The following LRRC2 variants were observed in gnomAD, a reference collection of about 807,000 sequenced individuals.
LRRC2 encodes leucine rich repeat containing 2.
A neutral mutation model predicts 40.2 loss-of-function variants in LRRC2; 27 were observed. The observed-to-expected ratio is 0.67, with a 90% CI of 0.49 to 0.93. The LOEUF is 0.93. Among genes scored for constraint, LRRC2 ranks in the 40% least tolerant of loss-of-function variants. LRRC2 has a pLI of 0.00. For synonymous variants in LRRC2, 147 were observed against 158.9 expected (o/e 0.92, Z 0.56); for missense variants, 402 against 439.6 (o/e 0.91, Z 0.76).
At chr3:46,532,223 A>C (rs994052000) in intron 5 of LRRC2, among the ~76,000 whole-genome samples, 1 of 152,226 alleles carries the variant, frequency 6.6e-6, no homozygotes, top group Admixed American at 6.5e-5. Flanking sequence ...GCAAAGCATT[A>C]AATAAAAATT....
chr3:46,530,786 A>G lies in LRRC2; in HGVS notation c.628-736T>C, dbSNP rs60238344. ...AACAGCACAAGAAAGACCTGCTCCC[A>G]TGATTCAATTACCTCCCACCAGGTC... On this transcript the variant is annotated intron_variant, in intron 5 of 8. Coordinates refer to ENST00000395905, the MANE Select transcript of LRRC2 (RefSeq NM_024512.5). Among the ~76,000 whole-genome samples, 470 of 152,314 alleles carry G rather than the reference A, an allele frequency of 3.1e-3. 3 individuals are homozygous for G. The highest frequency in any genetic ancestry group is 0.01 in the African/African-American group (429 of 41,576).
At chr3:46,550,059 G>T (rs1427530374) in intron 2 of LRRC2, among the ~76,000 whole-genome samples, 4 of 152,126 alleles carry the variant, frequency 2.6e-5, no homozygotes, top group Admixed American at 1.3e-4. Flanking sequence ...AACTCCTCAA[G>T]CAATCCTTTA....
At chr3:46,537,683 C>A (rs1038645096) in intron 4 of LRRC2, among the ~76,000 whole-genome samples, 8 of 152,164 alleles carry the variant, frequency 5.3e-5, no homozygotes, top group Admixed American at 1.3e-4. Context: ...GTCCTTTCTA[C>A]CTTTCCAGAA....
intron 3 of LRRC2, among the ~76,000 whole-genome samples, chr3:46,539,706 G>A (rs988690408): frequency 6.6e-6 from 1 of 152,162 alleles, no homozygotes; most frequent in African/African-American, 2.4e-5. Context: ...CCTGAGTTCC[G>A]GCCCAGGCCC....
Position 46,527,486 on chromosome 3 carries a change from A to T in LRRC2, c.869T>A (p.Val290Asp), listed in dbSNP as rs745855741. Residue 290 changes from valine to aspartate, a missense_variant, in exon 7 of 9, where the codon GTC becomes GAC. Transcript: ENST00000395905. ...GAGCTCCACCAAATGGTCCCCACTG[A>T]CGACTAACAGAGTGAGCTTCTTCAG... Reference protein sequence around the residue: ...LNLKKLTLLVVSGDHLVELPT... With the variant: ...LNLKKLTLLVDSGDHLVELPT... 1 of 1,613,992 alleles carries T rather than the reference A, an allele frequency of 6.2e-7. No homozygotes were observed. Among genetic ancestry groups the T allele is most frequent in the South Asian group, 1.1e-5 (1 of 91,068 alleles).
chr3:46,531,045 A>T (rs1704151573), intron 5 of LRRC2, among the ~76,000 whole-genome samples: 1 of 152,256 alleles, frequency 6.6e-6, no homozygotes, highest in Non-Finnish European at 1.5e-5. Flanking sequence ...GTATGTCAGG[A>T]AGATACAAGA....
At chr3:46,551,730 T>A in intron 1 of LRRC2, 120 bp from the exon 2 acceptor site, 7 of 394,398 alleles carry the variant, frequency 1.8e-5, no homozygotes, top group East Asian at 6.4e-5. Flanking sequence ...TATGCCTTAC[T>A]ACTTCAAGGA....
intron 4 of LRRC2, among the ~76,000 whole-genome samples, chr3:46,536,353 G>C (rs963584822): frequency 6.6e-6 from 1 of 152,110 alleles, no homozygotes; most frequent in Non-Finnish European, 1.5e-5. Flanking sequence ...TTGAATAATC[G>C]CTTGGAATAA....
intron 7 of LRRC2, among the ~76,000 whole-genome samples, chr3:46,526,970 C>A (rs568849353): frequency 2.6e-5 from 4 of 152,378 alleles, no homozygotes; most frequent in Admixed American, 2.6e-4. Flanking sequence ...CAGGACTTTT[C>A]AATTCCACTT....
At chr3:46,545,006 G>A (rs559288509) in intron 3 of LRRC2, 40 bp downstream of exon 3, 5 of 1,578,294 alleles carry the variant, frequency 3.2e-6, no homozygotes, top group African/African-American at 1.3e-5. Flanking sequence ...AGCAGTCATC[G>A]ACCACAGCAC....
At chr3:46,543,509 G>C (rs1026314428) in intron 3 of LRRC2, among the ~76,000 whole-genome samples, 1 of 151,896 alleles carries the variant, frequency 6.6e-6, no homozygotes, top group Non-Finnish European at 1.5e-5. Context: ...CCAGCTACTC[G>C]GGAGGCTGAG....
At chr3:46,554,641 TAA>T (rs34382739) in intron 1 of LRRC2, among the ~76,000 whole-genome samples, 16 of 137,302 alleles carry the variant, frequency 1.2e-4, no homozygotes, top group Non-Finnish European at 1.3e-4. Flanking sequence ...GACTCTGTCT[TAA>T]AAAAAAAAAA....
chr3:46,527,280 G>T, intron 7 of LRRC2, 146 bp downstream of exon 7: 1 of 814,630 alleles, frequency 1.2e-6, no homozygotes, highest in Non-Finnish European at 1.9e-6. Context: ...CCTGTAAAAA[G>T]TCACCAGAAC....
At chr3:46,534,412 T>TTTCC (rs139468846) in intron 4 of LRRC2, among the ~76,000 whole-genome samples, 6 of 143,860 alleles carry the variant, frequency 4.2e-5, no homozygotes, top group East Asian at 2.0e-4. Context: ...TTTCTTTTCT[T>TTTCC]TTCCTTCCTT....
chr3:46,523,804 T>C (rs753749873), intron 7 of LRRC2, among the ~76,000 whole-genome samples: 1 of 152,074 alleles, frequency 6.6e-6, no homozygotes, highest in South Asian at 2.1e-4. Flanking sequence ...TCCACCCATC[T>C]GTCCACCCAT....
intron 2 of LRRC2, among the ~76,000 whole-genome samples, chr3:46,547,210 A>G (rs9883208): frequency 0.46 from 69,244 of 151,942 alleles, 16,358 homozygotes; most frequent in African/African-American, 0.55. Flanking sequence ...TTGCCATTCA[A>G]CTGAGGGAAG....
intron 5 of LRRC2, 109 bp downstream of exon 5, chr3:46,532,664 T>C (rs1704182242): frequency 2.5e-6 from 3 of 1,180,988 alleles, no homozygotes; most frequent in African/African-American, 1.5e-5. Context: ...GAAAAGGTGA[T>C]ATAATAAAGA....
chr3:46,566,004 T>C (rs541149315), intron 1 of LRRC2, among the ~76,000 whole-genome samples, 173 bp downstream of exon 1: 15 of 152,324 alleles, frequency 9.8e-5, no homozygotes, highest in African/African-American at 3.6e-4. Flanking sequence ...CCAGCCGCTG[T>C]CCGGTTAGGG....
In LRRC2 at chr3:46,519,100, C is replaced by T. The variant is rs773139339; in HGVS notation, c.1067-37G>A. The T allele has an allele frequency of 6.9e-6, 10 of 1,441,760 alleles. No individual in the cohort carries two copies. In the Admixed American group the frequency reaches 1.2e-4, roughly 17 times the overall value. 89.3% of individuals were successfully genotyped at this position (1,441,760 alleles called of 1,614,324 possible). A position where few individuals can be genotyped will look rare whatever the true frequency, so the allele number is the denominator to read the frequency against. ...AGAAAAAAGTATGCTCAATCATTCA[C>T]CATTTTATTATGAAATCTAGCTACG... On this transcript the variant is annotated intron_variant, in intron 8 of 8. Coordinates refer to ENST00000395905, the MANE Select transcript of LRRC2 (RefSeq NM_024512.5).
Sources: gnomAD v4.1 joint callset for allele counts (sites outside exome capture counted in the v4.1 genomes callset) on GRCh38, gnomAD v4.1.1 for gene constraint, MANE v1.5 for transcripts, NCBI Gene and HGNC (gene_info 2026-07-23, HGNC 2026-07-21) for gene names.